The following GABRB1 variants were observed in gnomAD, a reference collection of about 807,000 sequenced individuals.
The protein encoded by GABRB1 is gamma-aminobutyric acid receptor subunit beta-1.
GABRB1 carries 17 observed loss-of-function variants against 51.6 expected under a neutral mutation model. That is an observed-to-expected ratio of 0.33 (90% CI 0.23 to 0.49). GABRB1 has a LOEUF of 0.49. Ranked by LOEUF, GABRB1 falls within the 20% of genes least tolerant of loss-of-function variation. GABRB1 has a pLI of 0.99. For missense variants in GABRB1, 410 were observed against 600.6 expected (o/e 0.68, Z 3.32); for synonymous variants, 247 against 218.9 (o/e 1.13, Z -1.14).
chr4:47,284,097 CAA>C (rs780643469), intron 4 of GABRB1, among the ~76,000 whole-genome samples: 1,691 of 48,772 alleles, frequency 0.035, 30 homozygotes, highest in African/African-American at 0.11. Flanking sequence ...GACTCAGTCT[CAA>C]AAAAAAAAAA....
intron 1 of GABRB1, among the ~76,000 whole-genome samples, chr4:47,024,147 G>A (rs1725014599): frequency 6.6e-6 from 1 of 151,674 alleles, no homozygotes; most frequent in African/African-American, 2.4e-5. Flanking sequence ...CTAGTAGTTT[G>A]TTCTTTCCTA....
Position 47,358,780 on chromosome 4 carries a change from T to G in GABRB1, c.544+38571T>G, listed in dbSNP as rs1210549379. Among the ~76,000 whole-genome samples the G allele has an allele frequency of 2.0e-5, 3 of 152,184 alleles. No homozygotes were observed. In the East Asian group the frequency reaches 5.8e-4, roughly 29 times the overall value. ...AATTCAGCCCATAACAGTAGTAATT[T>G]CAATGAACCCGAATGTAACTGTAAT... On this transcript the variant is annotated intron_variant, in intron 5 of 8. Transcript: ENST00000295454.
intron 3 of GABRB1, among the ~76,000 whole-genome samples, chr4:47,077,296 T>C (rs956829125): frequency 1.3e-5 from 2 of 152,312 alleles, no homozygotes; most frequent in Admixed American, 1.3e-4. Context: ...TGTTGGGAGC[T>C]AGATTTCTTT....
chr4:47,125,777 A>G (rs545245798), intron 3 of GABRB1, among the ~76,000 whole-genome samples: 27 of 148,128 alleles, frequency 1.8e-4, no homozygotes, highest in Admixed American at 4.1e-4. Flanking sequence ...GGATGGTCTC[A>G]ATCTCCTGAC....
At chr4:47,409,706 C>T (rs1728700087) in intron 8 of GABRB1, among the ~76,000 whole-genome samples, 1 of 152,234 alleles carries the variant, frequency 6.6e-6, no homozygotes, top group South Asian at 2.1e-4. Flanking sequence ...GGGGAACTAC[C>T]CCCTTCTTTC....
chr4:47,109,893 T>A (rs1715145604), intron 3 of GABRB1, among the ~76,000 whole-genome samples: 1 of 152,002 alleles, frequency 6.6e-6, no homozygotes, highest in Non-Finnish European at 1.5e-5. Flanking sequence ...AGTGTCATTG[T>A]GTAAGGCCTT....
chr4:47,270,934 T>C (rs1722849132), intron 4 of GABRB1, among the ~76,000 whole-genome samples: 1 of 152,188 alleles, frequency 6.6e-6, no homozygotes, highest in African/African-American at 2.4e-5. Context: ...TATAGCACTT[T>C]TAGTTTGTGC....
chr4:47,305,631 A>G (rs1724438123), intron 4 of GABRB1, among the ~76,000 whole-genome samples: 1 of 152,158 alleles, frequency 6.6e-6, no homozygotes, highest in Non-Finnish European at 1.5e-5. Flanking sequence ...TGAATGTGTA[A>G]TTGCAATAAT....
rs375965914 is a variant in GABRB1 at position 47,007,895 on chromosome 4, A to ATATATATATATATATATATATATATAT, written c.-20+13969_-20+13970insTATATATATATATATATATATATATAT. On this transcript the variant is annotated intron_variant, in intron 1 of 3. Transcript: ENST00000513567. ...ATATATATATATATATATATATATA[A>ATATATATATATATATATATATATATAT]AATCAAGTTTGTATTTTTAAATAGT... Among the ~76,000 whole-genome samples the ATATATATATATATATATATATATATAT allele has an allele frequency of 3.9e-3, 69 of 17,502 alleles. 1 individual carries two copies. Among genetic ancestry groups the ATATATATATATATATATATATATATAT allele is most frequent in the Non-Finnish European group, 8.0e-3 (46 of 5,730 alleles). The allele number at this position is 17,502 out of a possible 152,430, so 11.5% of individuals were successfully genotyped here. A position where few individuals can be genotyped will look rare whatever the true frequency, so the allele number is the denominator to read the frequency against.
intron 8 of GABRB1, among the ~76,000 whole-genome samples, chr4:47,416,190 A>C (rs1282564223): frequency 6.6e-6 from 1 of 152,232 alleles, no homozygotes; most frequent in Non-Finnish European, 1.5e-5. Flanking sequence ...AAGAAACAGC[A>C]TTGTGCAAGA....
chr4:47,281,473 G>A (rs1197950009), intron 4 of GABRB1, among the ~76,000 whole-genome samples: 2 of 152,038 alleles, frequency 1.3e-5, no homozygotes, highest in Non-Finnish European at 2.9e-5. Context: ...CAATCATTTT[G>A]GAAAATGTAT....
chr4:47,144,922 C>T (rs1169112252), intron 3 of GABRB1, among the ~76,000 whole-genome samples: 1 of 151,782 alleles, frequency 6.6e-6, no homozygotes, highest in Non-Finnish European at 1.5e-5. Context: ...ATGTATGATG[C>T]TACAGGAGAG....
intron 4 of GABRB1, among the ~76,000 whole-genome samples, chr4:47,175,153 T>G (rs1718624468): frequency 6.6e-6 from 1 of 151,232 alleles, no homozygotes; most frequent in East Asian, 1.9e-4. Context: ...TCCTCTCTCT[T>G]TTCTTCTTTC....
At position 47,109,173 on chromosome 4, in the gene GABRB1, G is replaced by A. The variant is rs111821203; in HGVS notation, c.241-52076G>A. Among the ~76,000 whole-genome samples the A allele has an allele frequency of 4.5e-4, 69 of 152,166 alleles. 1 individual carries two copies. The highest frequency in any genetic ancestry group is 1.4e-3 in the African/African-American group (60 of 41,530). Reference sequence around the variant, plus strand: ...TGCTTAACGTGAATGTGGTTTGAAGGATAGCTTAGAGTGGGGAGAGACTAC... The same window carrying A: ...TGCTTAACGTGAATGTGGTTTGAAGAATAGCTTAGAGTGGGGAGAGACTAC... On this transcript the variant is annotated intron_variant, in intron 3 of 8. Transcript: ENST00000295454.
intron 4 of GABRB1, among the ~76,000 whole-genome samples, chr4:47,198,994 C>A (rs1719797044): frequency 1.3e-5 from 2 of 152,178 alleles, no homozygotes; most frequent in African/African-American, 2.4e-5. Context: ...AAACCACCCC[C>A]ATGATCCAAT....
chr4:47,373,622 C>T (rs965712240), intron 5 of GABRB1, among the ~76,000 whole-genome samples: 1 of 152,150 alleles, frequency 6.6e-6, no homozygotes, highest in Non-Finnish European at 1.5e-5. Context: ...TTTGTCATCT[C>T]TAGAATAAGG....
intron 5 of GABRB1, among the ~76,000 whole-genome samples, chr4:47,357,030 A>G (rs758334056): frequency 1.3e-5 from 2 of 152,224 alleles, no homozygotes; most frequent in Non-Finnish European, 2.9e-5. Context: ...GGTCACTTTG[A>G]TGCTAAGCAG....
rs1467646041 is a variant in GABRB1, at chr4:46,998,260, T to C, written c.-20+4334T>C. Among the ~76,000 whole-genome samples, 16 of 152,332 alleles carry C rather than the reference T, an allele frequency of 1.1e-4. 1 individual carries two copies. In the South Asian group the frequency reaches 3.3e-3, roughly 32 times the overall value. ...ATGAAATTTGGAAAGTCACCTATTATAGTATGTATTTTAGATTATTAATTA... is the reference window on the plus strand; with the variant it reads ...ATGAAATTTGGAAAGTCACCTATTACAGTATGTATTTTAGATTATTAATTA... On this transcript the variant is annotated intron_variant, in intron 1 of 3. Coordinates refer to the GABRB1 transcript ENST00000513567.
intron 4 of GABRB1, among the ~76,000 whole-genome samples, chr4:47,276,920 A>T (rs1414429837): frequency 6.6e-6 from 1 of 151,994 alleles, no homozygotes; most frequent in Non-Finnish European, 1.5e-5. Flanking sequence ...GGGAAATAAA[A>T]TGGCCCCAGA....
Sources: gnomAD v4.1 joint callset for allele counts (sites outside exome capture counted in the v4.1 genomes callset) on GRCh38, gnomAD v4.1.1 for gene constraint, MANE v1.5 for transcripts, NCBI Gene and HGNC (gene_info 2026-07-23, HGNC 2026-07-21) for gene names.